Variants in LRSAM1 observed in about 807,000 individuals in gnomAD.
LRSAM1 encodes the protein leucine rich repeat and sterile alpha motif containing 1.
In LRSAM1, 96 loss-of-function variants were observed where a neutral mutation model predicts 118.1. The ratio of observed to expected loss-of-function variants is 0.81; its 90% CI spans 0.69 to 0.96. The LOEUF is 0.96. Ranked by LOEUF, LRSAM1 falls within the 40% of genes least tolerant of loss-of-function variation. The pLI is 0.00. For synonymous variants in LRSAM1, 322 were observed against 364.2 expected, an observed-to-expected ratio of 0.88 and a Z score of 1.32; for missense variants, 804 against 915.5, an observed-to-expected ratio of 0.88 and a Z score of 1.57.
intron 10 of LRSAM1, among the ~76,000 whole-genome samples, chr9:127,471,496 AAGAT>A (rs1444686186): frequency 8.4e-6 from 1 of 118,802 alleles, no homozygotes; most frequent in Non-Finnish European, 1.9e-5. Context: ...AAAAAAAAAA[AAGAT>A]TTTGGGCTGG....
At chr9:127,497,795 G>A (rs1327301054) in intron 24 of LRSAM1, among the ~76,000 whole-genome samples, 1 of 152,220 alleles carries the variant, frequency 6.6e-6, no homozygotes, top group Non-Finnish European at 1.5e-5. Context: ...GAAGGGGCAG[G>A]TGTGGAGTCT....
At chr9:127,461,368 C>A in intron 8 of LRSAM1, 111 bp downstream of exon 8, 2 of 877,818 alleles carry the variant, frequency 2.3e-6, no homozygotes, top group Non-Finnish European at 3.7e-6. Context: ...GGCAGCCAGT[C>A]TCCGGGGGTC....
rs777583116 is a variant in LRSAM1, at chr9:127,492,943, T to G, written c.1599+46T>G. 4 of 1,539,060 alleles carry G rather than the reference T, an allele frequency of 2.6e-6. No individual in the cohort carries two copies. The Middle Eastern group carries it at 6.8e-4, about 260-fold the overall frequency. On this transcript the variant is annotated intron_variant, in intron 21 of 25. Transcript: ENST00000300417. ...CTCAGCATCACACAGGCATTTGCTT[T>G]TCTTTAACAGACTTGCCATTTTTAG...
intron 2 of LRSAM1, 126 bp from the exon 3 acceptor site, chr9:127,454,370 C>A: frequency 1.3e-6 from 1 of 761,630 alleles, no homozygotes; most frequent in Non-Finnish European, 2.3e-6. Context: ...GGAGACACAG[C>A]CCCTGCCTCC....
intron 23 of LRSAM1, 112 bp downstream of exon 23, chr9:127,496,207 A>C: frequency 1.4e-6 from 2 of 1,469,650 alleles, no homozygotes; most frequent in Non-Finnish European, 1.8e-6. Context: ...TCCTTACCTA[A>C]TGGCCCAGGG....
Position 127,503,138 on chromosome 9 carries a change from C to A in LRSAM1, c.*239C>A. ...CTGGGGGCTGGGGCTGGAGAGGCCG[C>A]TGCACCACCACCCGAGCCTGGGAGC... On this transcript the variant is annotated 3_prime_UTR_variant, in exon 26 of 26. Transcript: ENST00000300417. 1 of 570,144 alleles carries A rather than the reference C, an allele frequency of 1.8e-6. No homozygotes were observed. The highest frequency in any genetic ancestry group is 1.9e-5 in the African/African-American group (1 of 53,130). 35.3% of individuals were successfully genotyped at this position (570,144 alleles called of 1,614,324 possible).
At chr9:127,473,332 A>G (rs1210871341) in intron 10 of LRSAM1, among the ~76,000 whole-genome samples, 1 of 152,258 alleles carries the variant, frequency 6.6e-6, no homozygotes, top group Non-Finnish European at 1.5e-5. Flanking sequence ...TAACTACAAT[A>G]TATAAAGAGC....
rs544050557 is a variant in LRSAM1, at chr9:127,479,190, G to A, written c.781-193G>A. 2.0e-5 allele frequency among the ~76,000 whole-genome samples: 3 copies of A among 152,220 alleles called. No individual in the cohort carries two copies. The South Asian group carries it at 6.2e-4, about 32-fold the overall frequency. ...GCTCAGAGGGGTTGAGCCCAGCACCGGGCTCTAGACCACTAGCCTCTTCCT... is the reference window on the plus strand; with the variant it reads ...GCTCAGAGGGGTTGAGCCCAGCACCAGGCTCTAGACCACTAGCCTCTTCCT... On this transcript the variant is annotated intron_variant, in intron 12 of 25. Transcript: ENST00000300417.
In LRSAM1 at chr9:127,491,182, G is replaced by GT. The variant is rs775843516; in HGVS notation, c.1423-32dup. The GT allele has an allele frequency of 3.3e-5, 51 of 1,564,790 alleles. No individual in the cohort carries two copies. The Admixed American group carries it at 7.8e-4, about 24-fold the overall frequency. The stretch of plus-strand genomic sequence containing the variant: ...CAAAACTGAACTGTGGTTAATGTGA[G>GT]TAAAAAAAAACCCTGTCTCGTCTTC... On this transcript the variant is annotated intron_variant, in intron 19 of 25. Transcript: ENST00000300417.
chr9:127,467,820 C>G lies in LRSAM1; in HGVS notation c.609C>G (p.Phe203Leu). The G allele has an allele frequency of 1.9e-6, 3 of 1,598,994 alleles. No individual in the cohort carries two copies. Among genetic ancestry groups the G allele is most frequent in the Non-Finnish European group, 2.6e-6 (3 of 1,174,738 alleles). The change falls in exon 10 of 26, where the codon TTC becomes TTG. Residue 203 changes from phenylalanine to leucine, a missense_variant. Phe to Leu is a conservative substitution (Grantham distance 22). Coordinates refer to ENST00000300417, the MANE Select transcript of LRSAM1 (RefSeq NM_001005373.4). ...CCGGCACTGCGGCCATCTTGCAGTTCCTCTGCAAAGGTAAAGCCAGGCCGC... is the reference window on the plus strand; with the variant it reads ...CCGGCACTGCGGCCATCTTGCAGTTGCTCTGCAAAGGTAAAGCCAGGCCGC... ...CGAGTAAILQ[F>L]LCKESGLEYY...
At chr9:127,458,318 C>T (rs897349084) in intron 6 of LRSAM1, among the ~76,000 whole-genome samples, 1 of 151,304 alleles carries the variant, frequency 6.6e-6, no homozygotes, top group Non-Finnish European at 1.5e-5. Flanking sequence ...GGAAGCGGAG[C>T]TTGCAGTGAG....
Position 127,479,975 on chromosome 9 carries a change from A to G in LRSAM1, c.1040A>G (p.Gln347Arg), listed in dbSNP as rs1835477528. The part of the protein sequence containing the change: ...SRIQKLLQDN[Q>R]RQKKSSEILK... The stretch of plus-strand genomic sequence containing the variant: ...ATCCAGAAGCTGCTGCAGGACAATC[A>G]GAGGTTGGGCTCTGCTCCTCGGCCC... Residue 347 changes from glutamine (Q) to arginine (R), a missense_variant, in exon 14 of 26, where the codon CAG (glutamine) becomes CGG (arginine). By Grantham distance (43) the Gln-to-Arg change is conservative (BLOSUM62 1). Coordinates refer to ENST00000300417, the MANE Select transcript of LRSAM1 (RefSeq NM_001005373.4). 2.5e-6 allele frequency: 4 copies of G among 1,614,154 alleles called. No homozygotes were observed. The highest frequency in any genetic ancestry group is 2.7e-5 in the African/African-American group (2 of 75,036).
At chr9:127,500,083 G>A (rs952805032) in intron 24 of LRSAM1, among the ~76,000 whole-genome samples, 2 of 151,808 alleles carry the variant, frequency 1.3e-5, no homozygotes, top group Admixed American at 6.6e-5. Context: ...CTTAGCAGCC[G>A]GGCACGTTGG....
rs750152286 is a variant in LRSAM1, at chr9:127,501,152, G to A, written c.2046+9G>A. 11 of 1,611,682 alleles carry A rather than the reference G, an allele frequency of 6.8e-6. No homozygotes were observed. Among genetic ancestry groups the A allele is most frequent in the East Asian group, 6.7e-5 (3 of 44,812 alleles). ...TGTGCCTGGAACGGGAGGTAAGTCC[G>A]GGGCCCTCCCCACCCGCCTGCCCTG... is the stretch of plus-strand genomic sequence containing the variant. On this transcript the variant is annotated intron_variant, in intron 25 of 25. Coordinates refer to ENST00000300417, the MANE Select transcript of LRSAM1 (RefSeq NM_001005373.4).
At position 127,495,881 on chromosome 9, in the gene LRSAM1, A is replaced by T. The variant is rs2249052; in HGVS notation, c.1699-83A>T. Reference sequence around the variant, plus strand: ...AGTACATTCTATGTATTATGTTATAAATATTCAAACCCTTCATTTCCTGTT... The same window carrying T: ...AGTACATTCTATGTATTATGTTATATATATTCAAACCCTTCATTTCCTGTT... On this transcript the variant is annotated intron_variant, in intron 22 of 25. Transcript: ENST00000300417. 711,477 of 1,555,704 alleles carry T rather than the reference A, an allele frequency of 0.46. 168,523 individuals carry two copies. The highest frequency in any genetic ancestry group is 0.49 in the Non-Finnish European group (558,524 of 1,149,632).
intron 9 of LRSAM1, among the ~76,000 whole-genome samples, chr9:127,462,868 A>G (rs1785479680): frequency 6.6e-6 from 1 of 151,862 alleles, no homozygotes; most frequent in Non-Finnish European, 1.5e-5. Context: ...AAAAAAAAAA[A>G]GTTGTGATAT....
At chr9:127,491,664 G>C (rs973567109) in intron 20 of LRSAM1, among the ~76,000 whole-genome samples, 5 of 152,224 alleles carry the variant, frequency 3.3e-5, no homozygotes, top group African/African-American at 7.2e-5. Flanking sequence ...ACATCCTCCA[G>C]GGCTGGAGCT....
chr9:127,457,225 T>C, intron 5 of LRSAM1, 91 bp from the exon 6 acceptor site: 1 of 1,425,082 alleles, frequency 7.0e-7, no homozygotes, highest in South Asian at 1.2e-5. Context: ...TGGTGGGGCG[T>C]GGCACGGCGC....
intron 24 of LRSAM1, among the ~76,000 whole-genome samples, chr9:127,500,358 C>CATAAAAAAAAAA (rs1836336596): frequency 1.1e-5 from 1 of 93,566 alleles, no homozygotes; most frequent in African/African-American, 4.1e-5. Context: ...GAGACTGTCT[C>CATAAAAAAAAAA]AAAAAAAAAA....
Sources: gnomAD v4.1 joint callset for allele counts (sites outside exome capture counted in the v4.1 genomes callset) on GRCh38, gnomAD v4.1.1 for gene constraint, MANE v1.5 for transcripts, NCBI Gene and HGNC (gene_info 2026-07-23, HGNC 2026-07-21) for gene names.